ECM2: variants seen among roughly 807,000 people sequenced by gnomAD.
ECM2 encodes the protein extracellular matrix protein 2, also known as extracellular matrix protein 2, female organ and adipocyte specific.
A neutral mutation model predicts 67.5 loss-of-function variants in ECM2; 57 were observed. The ratio of observed to expected loss-of-function variants is 0.84; its 90% CI spans 0.68 to 1.05. ECM2 has a LOEUF of 1.05. Among genes scored for constraint, ECM2 ranks in the 50% least tolerant of loss-of-function variants. The pLI, the probability that ECM2 is intolerant of heterozygous loss-of-function variation, is 0.00. For synonymous variants in ECM2, 258 were observed against 294.5 expected, an observed-to-expected ratio of 0.88 and a Z score of 1.27; for missense variants, 741 against 822.8, an observed-to-expected ratio of 0.90 and a Z score of 1.22.
At chr9:92,505,332 G>A (rs1343458277) in intron 7 of ECM2, among the ~76,000 whole-genome samples, 1 of 152,064 alleles carries the variant, frequency 6.6e-6, no homozygotes, top group Admixed American at 6.6e-5. Context: ...ACTGTATCAG[G>A]TGTCTCTACT....
the ECM2 span, among the ~76,000 whole-genome samples, chr9:92,558,252 C>T: frequency 1.8e-3 from 276 of 152,184 alleles, 2 homozygotes; most frequent in Middle Eastern, 3.4e-3. Flanking sequence ...TTTCTGGTTC[C>T]TTCTCATTTA....
At chr9:92,505,471 T>C in intron 7 of ECM2, 62 bp downstream of exon 7, 1 of 1,333,996 alleles carries the variant, frequency 7.5e-7, no homozygotes, top group Non-Finnish European at 1.0e-6. Flanking sequence ...AAATATATTT[T>C]GTTGTAGTGT....
chr9:92,494,325 A>G (rs1846256428), downstream of ECM2, among the ~76,000 whole-genome samples: 1 of 152,178 alleles, frequency 6.6e-6, no homozygotes, highest in Non-Finnish European at 1.5e-5. Context: ...TTATATTCAT[A>G]CATCAATAAG....
chr9:92,513,850 CTA>C (rs1847514340), intron 4 of ECM2, among the ~76,000 whole-genome samples: 2 of 152,062 alleles, frequency 1.3e-5, no homozygotes, highest in African/African-American at 2.4e-5. Flanking sequence ...GGTTACATGA[CTA>C]TGTGCATTTG....
intron 3 of ECM2, chr9:92,516,610 C>T (rs1430863060): frequency 1.3e-5 from 2 of 152,134 alleles, no homozygotes; most frequent in Non-Finnish European, 2.9e-5. Context: ...CATATTGAAA[C>T]ATTTAAAATC....
At chr9:92,512,244 C>A in intron 4 of ECM2, 118 bp from the exon 5 acceptor site, 1 of 576,214 alleles carries the variant, frequency 1.7e-6, no homozygotes, top group Non-Finnish European at 3.1e-6. Flanking sequence ...GAAAGCAATA[C>A]TCAGAACAAG....
At chr9:92,525,925 A>G (rs559206012) in intron 1 of ECM2, among the ~76,000 whole-genome samples, 1 of 151,366 alleles carries the variant, frequency 6.6e-6, no homozygotes, top group South Asian at 2.1e-4. Flanking sequence ...AGCACATACA[A>G]TTATGTACAG....
Position 92,514,730 on chromosome 9 carries a change from C to G in ECM2, c.955G>C (p.Gly319Arg), listed in dbSNP as rs532812407. The change falls in exon 4 of 10, where the codon GGG becomes CGG. Residue 319 changes from glycine (G) to arginine (R), a missense_variant. By Grantham distance (125) the Gly-to-Arg change is moderately radical. Coordinates refer to ENST00000344604, the MANE Select transcript of ECM2 (RefSeq NM_001393.4). The stretch of plus-strand genomic sequence containing the variant: ...ATGGTCCTGTAGGACAGAGAGCACC[C>G]GCTTGGCAGGCGCAGTGTGCCTCTG... ...PPRGTLRLPS[G>R]CSLSYRTISC... The G allele has an allele frequency of 1.2e-6, 2 of 1,607,818 alleles. No homozygotes were observed. The highest frequency in any genetic ancestry group is 2.2e-5 in the East Asian group (1 of 44,870).
chr9:92,531,340 T>C (rs1289743896), intron 1 of ECM2, among the ~76,000 whole-genome samples: 1 of 152,194 alleles, frequency 6.6e-6, no homozygotes, highest in Non-Finnish European at 1.5e-5. Flanking sequence ...TTAGTACCTT[T>C]ACCTCTTCCT....
At chr9:92,542,527 G>T in the ECM2 span, among the ~76,000 whole-genome samples, 1 of 149,598 alleles carries the variant, frequency 6.7e-6, no homozygotes, top group Non-Finnish European at 1.5e-5. Context: ...TTTTGAGATG[G>T]AGTCTCGCTC....
intron 6 of ECM2, among the ~76,000 whole-genome samples, chr9:92,506,593 C>T (rs958904218): frequency 4.6e-5 from 7 of 152,124 alleles, no homozygotes; most frequent in African/African-American, 1.2e-4. Context: ...TGTGGGACTC[C>T]GTTCTGCTCT....
intron 7 of ECM2, among the ~76,000 whole-genome samples, chr9:92,502,957 G>T (rs190247375): frequency 4.6e-5 from 7 of 151,770 alleles, no homozygotes; most frequent in Admixed American, 6.6e-5. Context: ...ACAGGTATGC[G>T]CCATGAAGCC....
intron 2 of ECM2, among the ~76,000 whole-genome samples, 200 bp downstream of exon 2, chr9:92,522,375 C>T (rs983160012): frequency 5.3e-5 from 8 of 152,170 alleles, no homozygotes; most frequent in Admixed American, 3.3e-4. Flanking sequence ...TGTGAGCCAC[C>T]GCGCCTGGCC....
Position 92,500,727 on chromosome 9 carries a change from C to T in ECM2, c.1931G>A (p.Arg644Gln), listed in dbSNP as rs200394678. 36 of 1,597,818 alleles carry T rather than the reference C, an allele frequency of 2.3e-5. No individual in the cohort carries two copies. The highest frequency in any genetic ancestry group is 3.3e-5 in the South Asian group (3 of 89,574). Residue 644 changes from arginine to glutamine, a missense_variant and splice_region_variant, in exon 9 of 10, where the codon CGG (arginine) becomes CAG (glutamine). Physicochemically the swap from Arg to Gln is conservative, Grantham distance 43. Transcript: ENST00000344604. ...HFLRLNNNKI[R>Q]NILPEEICNA... The stretch of plus-strand genomic sequence containing the variant: ...GATACTTGAAAAAGCCAAAATTTAC[C>T]GTATCTTGTTGTTGTTCAGCCTCAG...
chr9:92,536,280 T>A (rs1849157780), upstream of ECM2, among the ~76,000 whole-genome samples: 1 of 152,184 alleles, frequency 6.6e-6, no homozygotes, highest in African/African-American at 2.4e-5. Flanking sequence ...TGAGCTTGAT[T>A]AAGAAATCTG....
chr9:92,550,028 A>C, the ECM2 span, among the ~76,000 whole-genome samples: 1 of 152,220 alleles, frequency 6.6e-6, no homozygotes. Flanking sequence ...TGTACTCAGC[A>C]TGATAACAGA....
chr9:92,533,346 T>TAC (rs1848975876), intron 1 of ECM2, among the ~76,000 whole-genome samples: 3 of 123,794 alleles, frequency 2.4e-5, no homozygotes, highest in African/African-American at 9.1e-5. Flanking sequence ...TATATATATA[T>TAC]ATATATATAT....
At chr9:92,524,125 G>A (rs1407247877) in intron 1 of ECM2, among the ~76,000 whole-genome samples, 1 of 152,154 alleles carries the variant, frequency 6.6e-6, no homozygotes, top group Non-Finnish European at 1.5e-5. Context: ...TGTGACTGAT[G>A]TAATCCACAA....
chr9:92,549,954 C>T, the ECM2 span, among the ~76,000 whole-genome samples: 850 of 152,292 alleles, frequency 5.6e-3, 8 homozygotes, highest in African/African-American at 0.019. Context: ...ATAGTTCCAC[C>T]AAGCCACTAG....
Sources: gnomAD v4.1 joint callset for allele counts (sites outside exome capture counted in the v4.1 genomes callset) on GRCh38, gnomAD v4.1.1 for gene constraint, MANE v1.5 for transcripts, NCBI Gene and HGNC (gene_info 2026-07-23, HGNC 2026-07-21) for gene names.